The following ANO1 variants were observed in gnomAD, a reference collection of about 807,000 sequenced individuals.
ANO1 encodes anoctamin-1.
A neutral mutation model predicts 124.0 loss-of-function variants in ANO1; 59 were observed. The ratio of observed to expected loss-of-function variants is 0.48; its 90% CI spans 0.39 to 0.59. ANO1 has a LOEUF of 0.59. Among genes scored for constraint, ANO1 ranks in the 20% least tolerant of loss-of-function variants. The pLI is 0.00. For missense variants in ANO1, 1,059 were observed against 1,328.0 expected, an observed-to-expected ratio of 0.80 and a Z score of 3.15; for synonymous variants, 529 against 532.0, an observed-to-expected ratio of 0.99 and a Z score of 0.08.
At chr11:70,028,583 C>T (rs1245619190) in intron 1 of ANO1, among the ~76,000 whole-genome samples, 1 of 152,114 alleles carries the variant, frequency 6.6e-6, no homozygotes, top group Non-Finnish European at 1.5e-5. Context: ...CAAAATCCAG[C>T]TCCTGAGTCT....
At chr11:70,112,143 G>A (rs911753483) in intron 7 of ANO1, among the ~76,000 whole-genome samples, 1 of 152,250 alleles carries the variant, frequency 6.6e-6, no homozygotes, top group Non-Finnish European at 1.5e-5. Context: ...TGCAGAGCAA[G>A]TGGCCAGCTT....
At chr11:70,102,872 G>A (rs1234305938) in intron 2 of ANO1, among the ~76,000 whole-genome samples, 194 bp from the exon 3 acceptor site, 3 of 152,142 alleles carry the variant, frequency 2.0e-5, no homozygotes, top group Non-Finnish European at 4.4e-5. Flanking sequence ...ACAGCCCCCT[G>A]CACTTCCTCC....
chr11:70,152,769 G>C (rs2047655252), intron 13 of ANO1, among the ~76,000 whole-genome samples: 1 of 152,238 alleles, frequency 6.6e-6, no homozygotes, highest in African/African-American at 2.4e-5. Flanking sequence ...TTCATGGCTG[G>C]GTGTTCACTG....
At chr11:70,084,241 A>G (rs1405578671) in intron 1 of ANO1, among the ~76,000 whole-genome samples, 1 of 152,092 alleles carries the variant, frequency 6.6e-6, no homozygotes, top group East Asian at 1.9e-4. Flanking sequence ...TCTGTCTTCC[A>G]AGAGCAGCTT....
At chr11:70,124,262 C>T (rs1055045977) in intron 8 of ANO1, 88 bp from the exon 9 acceptor site, 7 of 1,235,544 alleles carry the variant, frequency 5.7e-6, no homozygotes, top group East Asian at 2.4e-5. Context: ...AATGATGTCA[C>T]GGAGGCTCAG....
chr11:70,132,253 C>T (rs935324728), intron 11 of ANO1, among the ~76,000 whole-genome samples, 174 bp downstream of exon 11: 7 of 152,098 alleles, frequency 4.6e-5, no homozygotes, highest in Non-Finnish European at 7.4e-5. Context: ...TACTGGGGTG[C>T]GCAGTGCATC....
At chr11:70,170,656 A>C (rs2048426049) in intron 21 of ANO1, among the ~76,000 whole-genome samples, 1 of 152,208 alleles carries the variant, frequency 6.6e-6, no homozygotes, top group African/African-American at 2.4e-5. Flanking sequence ...GATTCAGAGC[A>C]AAATTTGGAA....
At chr11:70,149,199 G>C (rs189162397) in intron 11 of ANO1, among the ~76,000 whole-genome samples, 1 of 152,210 alleles carries the variant, frequency 6.6e-6, no homozygotes, top group South Asian at 2.1e-4. Context: ...GGGTAACCTC[G>C]GTCGGGACTT....
intron 10 of ANO1, among the ~76,000 whole-genome samples, chr11:70,129,941 T>C (rs2509170): frequency 0.4 from 61,028 of 152,010 alleles, 13,415 homozygotes; most frequent in East Asian, 0.55. Context: ...TTTTAATAAA[T>C]GTTTAGGGAC....
In ANO1 at chr11:70,163,270, C is replaced by G; in HGVS notation, c.1893-13C>G. The G allele has an allele frequency of 6.2e-7, 1 of 1,612,792 alleles. No homozygotes were observed. The highest frequency in any genetic ancestry group is 8.5e-7 in the Non-Finnish European group (1 of 1,179,672). ...GCTCATCTTTTCTCTAACGACCTCCCCCATCGTTTCAGGTTTGTTGGACGC... is the reference window on the plus strand; with the variant it reads ...GCTCATCTTTTCTCTAACGACCTCCGCCATCGTTTCAGGTTTGTTGGACGC... On this transcript the variant is annotated splice_polypyrimidine_tract_variant and intron_variant, in intron 18 of 25. Transcript: ENST00000355303.
intron 8 of ANO1, among the ~76,000 whole-genome samples, chr11:70,121,096 G>A (rs943633025): frequency 2.0e-5 from 3 of 152,128 alleles, no homozygotes; most frequent in Non-Finnish European, 2.9e-5. Context: ...TCAGAAGGTG[G>A]TGGGAGCCAC....
the ANO1 span, among the ~76,000 whole-genome samples, chr11:69,973,510 G>A: frequency 6.6e-6 from 1 of 152,132 alleles, no homozygotes; most frequent in Non-Finnish European, 1.5e-5. Context: ...GGGCTCTAGG[G>A]AGTTATCCTT....
intron 10 of ANO1, among the ~76,000 whole-genome samples, chr11:70,130,515 G>A (rs1041035668): frequency 6.6e-6 from 1 of 152,226 alleles, no homozygotes; most frequent in African/African-American, 2.4e-5. Context: ...ACAGTCCCCA[G>A]TGCTGGTCCA....
chr11:70,080,207 G>A (rs2044161701), intron 1 of ANO1, among the ~76,000 whole-genome samples: 1 of 152,218 alleles, frequency 6.6e-6, no homozygotes, highest in South Asian at 2.1e-4. Context: ...CTCACAACGT[G>A]TGAGGTAGGT....
chr11:70,160,482 T>C (rs2048000809), intron 16 of ANO1, among the ~76,000 whole-genome samples: 2 of 152,192 alleles, frequency 1.3e-5, no homozygotes, highest in Admixed American at 1.3e-4. Context: ...TTTTATGGAA[T>C]GTTCTGGTCC....
At chr11:70,150,186 T>G (rs529571842) in intron 12 of ANO1, among the ~76,000 whole-genome samples, 84 of 152,238 alleles carry the variant, frequency 5.5e-4, no homozygotes, top group African/African-American at 1.9e-3. Context: ...AAAGTGGCCG[T>G]GAGCATCTGC....
chr11:70,086,498 C>T (rs2509130), intron 1 of ANO1, among the ~76,000 whole-genome samples: 34,821 of 152,180 alleles, frequency 0.23, 4,139 homozygotes, highest in South Asian at 0.35. Context: ...CCTTGGTCAC[C>T]CCAGGGCACC....
chr11:70,138,083 G>A (rs1359284646), intron 11 of ANO1, among the ~76,000 whole-genome samples: 1 of 147,334 alleles, frequency 6.8e-6, no homozygotes, highest in Non-Finnish European at 1.5e-5. Context: ...GGTGGTTCAC[G>A]CCTGTAATCC....
intron 14 of ANO1, among the ~76,000 whole-genome samples, chr11:70,153,927 A>C (rs573221064): frequency 6.6e-6 from 1 of 152,080 alleles, no homozygotes; most frequent in South Asian, 2.1e-4. Flanking sequence ...CACCGTGTCC[A>C]GCTAATTTTT....
Sources: gnomAD v4.1 joint callset for allele counts (sites outside exome capture counted in the v4.1 genomes callset) on GRCh38, gnomAD v4.1.1 for gene constraint, MANE v1.5 for transcripts, NCBI Gene and HGNC (gene_info 2026-07-23, HGNC 2026-07-21) for gene names.